The following RFX4 variants were observed in gnomAD, a reference collection of about 807,000 sequenced individuals.
The protein encoded by RFX4 is transcription factor RFX4.
In RFX4, 10 loss-of-function variants were observed where a neutral mutation model predicts 95.0. That is an observed-to-expected ratio of 0.11 (90% CI 0.06 to 0.18). The LOEUF is 0.18. RFX4 is among the 10% of genes least tolerant of loss of function. The pLI is 1.00. For synonymous variants in RFX4, 321 were observed against 340.7 expected (o/e 0.94, Z 0.64); for missense variants, 640 against 922.0 (o/e 0.69, Z 3.96).
At chr12:106,661,533 A>AC (rs2041073858) in intron 4 of RFX4, among the ~76,000 whole-genome samples, 1 of 152,224 alleles carries the variant, frequency 6.6e-6, no homozygotes, top group African/African-American at 2.4e-5. Flanking sequence ...TGATGAACCT[A>AC]CATTCACACA....
At chr12:106,674,400 G>A (rs186800927) in intron 4 of RFX4, among the ~76,000 whole-genome samples, 2 of 149,000 alleles carry the variant, frequency 1.3e-5, no homozygotes, top group South Asian at 4.3e-4. Context: ...GTGTGATCTC[G>A]GCTCACTGCA....
At chr12:106,620,691 A>G (rs1282572574) in intron 2 of RFX4, among the ~76,000 whole-genome samples, 1 of 152,092 alleles carries the variant, frequency 6.6e-6, no homozygotes, top group African/African-American at 2.4e-5. Context: ...TCGAGAGCAG[A>G]GAACCGATCT....
At chr12:106,761,089 T>A in intron 17 of RFX4, 108 bp from the exon 18 acceptor site, 2 of 1,201,648 alleles carry the variant, frequency 1.7e-6, no homozygotes, top group Non-Finnish European at 2.4e-6. Context: ...TCAACTCTCA[T>A]TAATAGCATC....
intron 13 of RFX4, among the ~76,000 whole-genome samples, chr12:106,730,763 G>A (rs1395084045): frequency 3.9e-5 from 6 of 152,216 alleles, no homozygotes; most frequent in African/African-American, 1.2e-4. Context: ...CACCTTGGGA[G>A]GCCGAGGTAG....
At chr12:106,673,176 G>A (rs1221383351) in intron 4 of RFX4, among the ~76,000 whole-genome samples, 2 of 152,194 alleles carry the variant, frequency 1.3e-5, no homozygotes, top group African/African-American at 4.8e-5. Flanking sequence ...AGTATAGAGG[G>A]CTAACTCCGT....
chr12:106,712,197 G>T (rs2042204492), intron 10 of RFX4, among the ~76,000 whole-genome samples: 1 of 152,232 alleles, frequency 6.6e-6, no homozygotes, highest in African/African-American at 2.4e-5. Context: ...TGGGGTTATT[G>T]TTGTTTGGTT....
intron 1 of RFX4, among the ~76,000 whole-genome samples, chr12:106,604,445 C>T (rs1009721838): frequency 1.3e-5 from 2 of 151,838 alleles, no homozygotes; most frequent in Non-Finnish European, 2.9e-5. Flanking sequence ...TTTAGCACAG[C>T]TTCTTGCATC....
intron 1 of RFX4, among the ~76,000 whole-genome samples, chr12:106,604,637 G>C (rs562487001): frequency 7.9e-5 from 12 of 151,944 alleles, no homozygotes; most frequent in Non-Finnish European, 1.6e-4. Flanking sequence ...TGTCACTAAT[G>C]TAACAGTTAT....
At chr12:106,732,061 T>C (rs2042623155) in intron 13 of RFX4, 69 bp from the exon 14 acceptor site, 2 of 1,585,246 alleles carry the variant, frequency 1.3e-6, no homozygotes, top group Admixed American at 3.4e-5. Flanking sequence ...ACTTGTGCAG[T>C]TGACCAGACA....
At chr12:106,652,103 C>T (rs1187783188) in intron 3 of RFX4, among the ~76,000 whole-genome samples, 1 of 152,168 alleles carries the variant, frequency 6.6e-6, no homozygotes, top group African/African-American at 2.4e-5. Flanking sequence ...GAAACCTATT[C>T]TTTATGTGAA....
At chr12:106,697,744 G>A (rs1411668919) in intron 8 of RFX4, among the ~76,000 whole-genome samples, 3 of 152,040 alleles carry the variant, frequency 2.0e-5, no homozygotes, top group East Asian at 3.9e-4. Flanking sequence ...TGCTCTGTGT[G>A]TGTGTGATTT....
chr12:106,705,453 C>T (rs749019538), intron 8 of RFX4, among the ~76,000 whole-genome samples: 6 of 151,676 alleles, frequency 4.0e-5, no homozygotes, highest in African/African-American at 7.3e-5. Flanking sequence ...GGAGGGAAAG[C>T]GGAGGAAGGA....
At chr12:106,604,513 A>G (rs2039783375) in intron 1 of RFX4, among the ~76,000 whole-genome samples, 1 of 151,668 alleles carries the variant, frequency 6.6e-6, no homozygotes, top group Non-Finnish European at 1.5e-5. Flanking sequence ...ATCGCCTTTG[A>G]TATGTTATAC....
chr12:106,601,141 C>T (rs1253770238), intron 1 of RFX4: 1 of 1,441,894 alleles, frequency 6.9e-7, no homozygotes, highest in Non-Finnish European at 9.2e-7. Context: ...TGTGGCGTTG[C>T]CATGGCAACC....
rs187549281 is a variant in RFX4, at chr12:106,665,008, A to T, written c.315+10657A>T. On this transcript the variant is annotated intron_variant, in intron 4 of 17. Transcript: ENST00000392842. ...CTATTTTTGGATGAAGTTGTCTATT[A>T]ATGTCAATTATATTTAATTGATTCA... Among the ~76,000 whole-genome samples, 13 of 151,986 alleles carry T rather than the reference A, an allele frequency of 8.6e-5. No individual in the cohort carries two copies. The East Asian group carries it at 2.3e-3, about 27-fold the overall frequency.
intron 1 of RFX4, among the ~76,000 whole-genome samples, chr12:106,594,033 T>C (rs2039581515): frequency 6.6e-6 from 1 of 152,202 alleles, no homozygotes; most frequent in Non-Finnish European, 1.5e-5. Context: ...TGTAAAGTTA[T>C]TTGCCTCCCC....
intron 15 of RFX4, among the ~76,000 whole-genome samples, chr12:106,741,882 T>C (rs1391798831): frequency 6.6e-6 from 1 of 152,172 alleles, no homozygotes; most frequent in East Asian, 1.9e-4. Flanking sequence ...GTGTGCAACC[T>C]AGATCCCTTG....
intron 13 of RFX4, among the ~76,000 whole-genome samples, chr12:106,722,008 G>C (rs565162689): frequency 2.0e-5 from 3 of 152,166 alleles, no homozygotes; most frequent in Non-Finnish European, 1.5e-5. Flanking sequence ...CTCAGCATTG[G>C]AAGGTTCTCT....
intron 17 of RFX4, among the ~76,000 whole-genome samples, chr12:106,751,580 A>G (rs2043007410): frequency 6.9e-6 from 1 of 145,278 alleles, no homozygotes; most frequent in Non-Finnish European, 1.5e-5. Flanking sequence ...CTATTTCTCC[A>G]CATCCTCTCC....
Sources: allele counts gnomAD v4.1 joint callset (sites outside exome capture counted in the v4.1 genomes callset), GRCh38; gene constraint gnomAD v4.1.1; transcripts MANE v1.5; gene names NCBI Gene and HGNC (gene_info 2026-07-23, HGNC 2026-07-21).